The following DCDC2C variants were observed in gnomAD, a reference collection of about 807,000 sequenced individuals.
DCDC2C encodes the protein doublecortin domain-containing protein 2C.
DCDC2C carries 44 observed loss-of-function variants against 45.0 expected under a neutral mutation model. That is an observed-to-expected ratio of 0.98 (90% CI 0.77 to 1.26). DCDC2C has a LOEUF of 1.26. Among genes scored for constraint, DCDC2C ranks in the 50% most tolerant of loss-of-function variants. The probability of loss-of-function intolerance (pLI) is 0.00; values close to 1 mark genes in which losing one functional copy is unlikely to be tolerated. For synonymous variants in DCDC2C, 187 were observed against 178.8 expected (o/e 1.05, Z -0.37); for missense variants, 447 against 468.9 (o/e 0.95, Z 0.43).
At chr2:3,785,219 C>A (rs1670618382) in intron 10 of DCDC2C, 119 bp downstream of exon 10, 4 of 681,526 alleles carry the variant, frequency 5.9e-6, no homozygotes, top group Non-Finnish European at 6.2e-6. Context: ...AACTTTTATG[C>A]CTCTGTCATA....
chr2:3,841,721 C>T (rs960441545), intron 10 of DCDC2C, among the ~76,000 whole-genome samples: 10 of 151,968 alleles, frequency 6.6e-5, no homozygotes, highest in East Asian at 3.9e-4. Context: ...TAGCACGCGG[C>T]GTGAGCGGCC....
At chr2:3,747,402 T>C (rs1236769288) in intron 4 of DCDC2C, among the ~76,000 whole-genome samples, 3 of 152,216 alleles carry the variant, frequency 2.0e-5, no homozygotes, top group African/African-American at 7.2e-5. Context: ...TTGACTATCC[T>C]GATTAGGAAA....
At position 3,733,685 on chromosome 2, in the gene DCDC2C, C is replaced by T. The variant is rs549817073; in HGVS notation, c.416+6606C>T. On this transcript the variant is annotated intron_variant, in intron 3 of 10. Coordinates refer to ENST00000399143, the MANE Select transcript of DCDC2C (RefSeq NM_001287444.2). ...ACATGATGGACGGGGCAGACAAGCT[C>T]CCTGAGGCCTCTTTTATAAGGACAC... Among the ~76,000 whole-genome samples the T allele has an allele frequency of 8.5e-5, 13 of 152,310 alleles. 1 individual carries two copies. The South Asian group carries it at 2.7e-3, about 32-fold the overall frequency.
chr2:3,718,010 C>CAG (rs1487418466), intron 2 of DCDC2C, among the ~76,000 whole-genome samples: 1 of 152,196 alleles, frequency 6.6e-6, no homozygotes, highest in Non-Finnish European at 1.5e-5. Flanking sequence ...CTGGCCTCAG[C>CAG]AGAGCCCCTG....
intron 4 of DCDC2C, among the ~76,000 whole-genome samples, chr2:3,748,080 G>A (rs1572582329): frequency 1.3e-5 from 2 of 152,314 alleles, no homozygotes; most frequent in South Asian, 4.1e-4. Flanking sequence ...AGTGCCTGGT[G>A]AGGGAGGGCA....
At chr2:3,805,968 C>A (rs1572631410) in intron 10 of DCDC2C, among the ~76,000 whole-genome samples, 1 of 152,198 alleles carries the variant, frequency 6.6e-6, no homozygotes, top group East Asian at 1.9e-4. Flanking sequence ...GTAGCTGGTA[C>A]TACCAGCATG....
chr2:3,731,046 C>A (rs1289173232), intron 3 of DCDC2C, among the ~76,000 whole-genome samples: 1 of 152,196 alleles, frequency 6.6e-6, no homozygotes, highest in Non-Finnish European at 1.5e-5. Flanking sequence ...GAGTCATTTA[C>A]AAAGTTCTGA....
intron 4 of DCDC2C, among the ~76,000 whole-genome samples, chr2:3,748,736 A>T (rs1669448812): frequency 6.6e-6 from 1 of 152,168 alleles, no homozygotes; most frequent in African/African-American, 2.4e-5. Flanking sequence ...TTCTGGGCTC[A>T]GCTTCCTGAT....
chr2:3,752,644 G>C, intron 4 of DCDC2C, 119 bp from the exon 5 acceptor site: 1 of 1,218,298 alleles, frequency 8.2e-7, no homozygotes, highest in South Asian at 1.3e-5. Context: ...TGCTTACGAT[G>C]AGCACTGTTT....
chr2:3,812,361 T>C lies in DCDC2C; in HGVS notation c.1065+27261T>C, dbSNP rs6730539. ...TCAATTTCTTCCATGTTTTCTAGTT[T>C]GTTTGCATAGAGGTGTTTATAGGAT... On this transcript the variant is annotated intron_variant, in intron 10 of 10. Coordinates refer to ENST00000399143, the MANE Select transcript of DCDC2C (RefSeq NM_001287444.2). 7.7e-3 allele frequency among the ~76,000 whole-genome samples: 1,178 copies of C among 152,278 alleles called. 13 individuals carry two copies. The highest frequency in any genetic ancestry group is 0.027 in the African/African-American group (1,130 of 41,542).
chr2:3,755,257 A>G (rs1433932667), intron 6 of DCDC2C, among the ~76,000 whole-genome samples: 4 of 151,918 alleles, frequency 2.6e-5, no homozygotes, highest in Admixed American at 2.6e-4. Context: ...TATGATGGGT[A>G]CACGTGTGTA....
chr2:3,750,456 T>C (rs1170159277), intron 4 of DCDC2C, among the ~76,000 whole-genome samples: 1 of 152,166 alleles, frequency 6.6e-6, no homozygotes, highest in African/African-American at 2.4e-5. Context: ...GTGGCGAATC[T>C]CCTGAGGCCT....
At chr2:3,784,078 C>A (rs1345833223) in intron 9 of DCDC2C, among the ~76,000 whole-genome samples, 1 of 151,474 alleles carries the variant, frequency 6.6e-6, no homozygotes, top group Non-Finnish European at 1.5e-5. Flanking sequence ...GAAATATGTC[C>A]ATATCATTCC....
intron 3 of DCDC2C, among the ~76,000 whole-genome samples, chr2:3,741,687 G>GCCC (rs1669211977): frequency 6.7e-6 from 1 of 148,216 alleles, no homozygotes; most frequent in African/African-American, 2.6e-5. Flanking sequence ...TACAACAAAA[G>GCCC]CACACATACA....
At chr2:3,715,372 C>T (rs1213664295) in intron 2 of DCDC2C, among the ~76,000 whole-genome samples, 2 of 152,064 alleles carry the variant, frequency 1.3e-5, no homozygotes, top group African/African-American at 4.8e-5. Context: ...TGGATGTTTC[C>T]CACACCTCCC....
At chr2:3,767,112 T>G (rs1403809872) in intron 6 of DCDC2C, among the ~76,000 whole-genome samples, 1 of 152,258 alleles carries the variant, frequency 6.6e-6, no homozygotes. Flanking sequence ...GTGTGTTAAA[T>G]GCATTTTTGA....
intron 4 of DCDC2C, among the ~76,000 whole-genome samples, chr2:3,750,953 A>G (rs1265320091): frequency 6.6e-6 from 1 of 151,334 alleles, no homozygotes; most frequent in Non-Finnish European, 1.5e-5. Context: ...CCTCAGTTTT[A>G]CCTCCAAACA....
chr2:3,814,510 C>T (rs988005687), intron 10 of DCDC2C, among the ~76,000 whole-genome samples: 15 of 152,240 alleles, frequency 9.9e-5, no homozygotes, highest in African/African-American at 3.4e-4. Flanking sequence ...AAGCCTACTT[C>T]TGTCAATTCG....
chr2:3,767,887 T>C lies in DCDC2C; in HGVS notation c.853+7T>C, dbSNP rs17017989. The stretch of plus-strand genomic sequence containing the variant: ...TTAGTCCAAAGGGGTGCAGGTGACG[T>C]GCAGTTTCATTCTGCTGTAGGCAGT... On this transcript the variant is annotated splice_region_variant and intron_variant, in intron 7 of 10. Coordinates refer to ENST00000399143, the MANE Select transcript of DCDC2C (RefSeq NM_001287444.2). The C allele has an allele frequency of 2.7e-6, 4 of 1,499,628 alleles. No homozygotes were observed. Among genetic ancestry groups the C allele is most frequent in the Non-Finnish European group, 3.5e-6 (4 of 1,128,592 alleles). The allele number at this position is 1,499,628 out of a possible 1,614,324, so 92.9% of individuals were successfully genotyped here. A position where few individuals can be genotyped will look rare whatever the true frequency, so the allele number is the denominator to read the frequency against.
Sources: gnomAD v4.1 joint callset for allele counts (sites outside exome capture counted in the v4.1 genomes callset) on GRCh38, gnomAD v4.1.1 for gene constraint, MANE v1.5 for transcripts, NCBI Gene and HGNC (gene_info 2026-07-23, HGNC 2026-07-21) for gene names.